VDAC2: variants seen among roughly 807,000 people sequenced by gnomAD.
VDAC2 encodes non-selective voltage-gated ion channel VDAC2.
In VDAC2, 6 loss-of-function variants were observed where a neutral mutation model predicts 36.6. The ratio of observed to expected loss-of-function variants is 0.16; its 90% CI spans 0.09 to 0.32. The LOEUF (loss-of-function observed/expected upper bound fraction) is 0.32. VDAC2 is among the 10% of genes least tolerant of loss of function. The pLI is 1.00. For synonymous variants in VDAC2, 109 were observed against 123.8 expected (o/e 0.88, Z 0.79); for missense variants, 247 against 346.0 (o/e 0.71, Z 2.27).
chr10:75,230,744 C>A (rs1275359007), intron 9 of VDAC2, among the ~76,000 whole-genome samples, 154 bp from the exon 10 acceptor site: 1 of 152,210 alleles, frequency 6.6e-6, no homozygotes, highest in Non-Finnish European at 1.5e-5. Context: ...TCAGATACTT[C>A]CAAGCGCCCT....
intron 8 of VDAC2, chr10:75,229,372 C>CT (rs1393319163): frequency 2.3e-5 from 6 of 260,440 alleles, no homozygotes; most frequent in Non-Finnish European, 4.3e-5. Flanking sequence ...TATGAGAGTG[C>CT]TTAGGCTTTT....
At chr10:75,224,482 G>A (rs1032253939) in intron 8 of VDAC2, among the ~76,000 whole-genome samples, 9 of 152,186 alleles carry the variant, frequency 5.9e-5, no homozygotes, top group African/African-American at 1.9e-4. Context: ...ACTCCTGGGT[G>A]GTCAGATGGT....
intron 8 of VDAC2, among the ~76,000 whole-genome samples, chr10:75,222,671 T>C (rs962518012): frequency 3.9e-5 from 6 of 152,174 alleles, no homozygotes; most frequent in East Asian, 1.9e-4. Context: ...AGTCCAGGTA[T>C]AGCTGGTGTT....
chr10:75,222,440 T>C (rs779251055), intron 8 of VDAC2, 38 bp downstream of exon 8: 13 of 1,611,114 alleles, frequency 8.1e-6, no homozygotes, highest in Non-Finnish European at 9.3e-6. Context: ...GGGTTTTGGT[T>C]GTGGGAATGA....
upstream of VDAC2, chr10:75,210,534 C>T (rs1327790247): frequency 6.6e-6 from 1 of 152,438 alleles, no homozygotes; most frequent in Admixed American, 6.5e-5. Flanking sequence ...GCCCCATCCC[C>T]CTCCCAGGCG....
At chr10:75,230,531 C>G (rs535428367) in intron 9 of VDAC2, among the ~76,000 whole-genome samples, 1 of 152,286 alleles carries the variant, frequency 6.6e-6, no homozygotes, top group Admixed American at 6.5e-5. Flanking sequence ...AATACATATT[C>G]AGATTTACCC....
chr10:75,230,696 T>TGCCTTAGC (rs1203208564), intron 9 of VDAC2, among the ~76,000 whole-genome samples: 1 of 152,212 alleles, frequency 6.6e-6, no homozygotes, highest in East Asian at 1.9e-4. Context: ...TGTGACTTGG[T>TGCCTTAGC]GCCTTAGCTA....
intron 5 of VDAC2, 40 bp downstream of exon 5, chr10:75,219,255 A>G (rs1010881611): frequency 1.3e-6 from 2 of 1,553,690 alleles, no homozygotes; most frequent in Non-Finnish European, 1.7e-6. Context: ...TTATTAATTT[A>G]TTTTTGTATT....
intron 6 of VDAC2, among the ~76,000 whole-genome samples, chr10:75,219,815 G>A (rs1486257249): frequency 5.1e-5 from 7 of 137,678 alleles, no homozygotes; most frequent in Admixed American, 7.7e-5. Flanking sequence ...TTATTTTATT[G>A]TATTTATTTT....
intron 8 of VDAC2, among the ~76,000 whole-genome samples, chr10:75,224,569 A>G (rs980545775): frequency 2.0e-5 from 3 of 152,152 alleles, no homozygotes; most frequent in Admixed American, 6.5e-5. Context: ...GATAGATCCA[A>G]CTCCAAGGGA....
Position 75,222,297 on chromosome 10 carries a change from T to G in VDAC2, c.630T>G (p.Cys210Trp). ...GAGGATCAATTTATCAGAAAGTTTG[T>G]GAAGATCTTGACACTTCAGTAAACC... is the stretch of plus-strand genomic sequence containing the variant. ...EFGGSIYQKVCEDLDTSVNLA... is the reference protein window; with the variant it reads ...EFGGSIYQKVWEDLDTSVNLA... Residue 210 changes from cysteine to tryptophan, a missense_variant, in exon 8 of 10, where the codon TGT becomes TGG. Coordinates refer to ENST00000332211, the MANE Select transcript of VDAC2 (RefSeq NM_001391963.1). 2 of 1,613,958 alleles carry G rather than the reference T, an allele frequency of 1.2e-6. No homozygotes were observed. The highest frequency in any genetic ancestry group is 1.7e-4 in the Middle Eastern group (1 of 6,058).
chr10:75,218,982 T>TTG (rs1469618410), intron 4 of VDAC2, 81 bp from the exon 5 acceptor site: 34 of 1,372,034 alleles, frequency 2.5e-5, no homozygotes, highest in Middle Eastern at 2.6e-4. Context: ...TTCAGGGGGT[T>TTG]TGTGTGTGTG....
intron 4 of VDAC2, among the ~76,000 whole-genome samples, chr10:75,215,101 A>G (rs762211984): frequency 6.7e-6 from 1 of 149,446 alleles, no homozygotes; most frequent in Non-Finnish European, 1.5e-5. Context: ...TTTTCTAGAG[A>G]TGACGTTTTG....
chr10:75,215,060 G>A (rs774175077), intron 4 of VDAC2, among the ~76,000 whole-genome samples: 17 of 151,770 alleles, frequency 1.1e-4, no homozygotes, highest in Admixed American at 2.0e-4. Context: ...AGTACAGGCC[G>A]TATCCATCAT....
chr10:75,218,437 A>G (rs1161052448), intron 4 of VDAC2, among the ~76,000 whole-genome samples: 1 of 152,142 alleles, frequency 6.6e-6, no homozygotes, highest in Admixed American at 6.6e-5. Flanking sequence ...TTGAATCCCA[A>G]ATAAAATCAC....
At chr10:75,215,321 A>G (rs964167365) in intron 4 of VDAC2, among the ~76,000 whole-genome samples, 1 of 151,756 alleles carries the variant, frequency 6.6e-6, no homozygotes, top group Non-Finnish European at 1.5e-5. Context: ...TTATTTTGAT[A>G]TATGTATGTA....
At chr10:75,216,262 G>C (rs1841602139) in intron 4 of VDAC2, among the ~76,000 whole-genome samples, 1 of 152,180 alleles carries the variant, frequency 6.6e-6, no homozygotes, top group South Asian at 2.1e-4. Context: ...TGTTTAAAAA[G>C]CTTACTTTCT....
chr10:75,223,816 G>A (rs561713502), intron 8 of VDAC2, among the ~76,000 whole-genome samples: 2 of 152,186 alleles, frequency 1.3e-5, no homozygotes, highest in African/African-American at 2.4e-5. Context: ...ATGGCTAGTG[G>A]TTTAATCAGT....
intron 4 of VDAC2, among the ~76,000 whole-genome samples, chr10:75,216,481 A>C (rs1467903658): frequency 6.6e-6 from 1 of 152,224 alleles, no homozygotes; most frequent in Non-Finnish European, 1.5e-5. Flanking sequence ...CATGTAACTC[A>C]ACAACCATGG....
Sources: allele counts gnomAD v4.1 joint callset (sites outside exome capture counted in the v4.1 genomes callset), GRCh38; gene constraint gnomAD v4.1.1; transcripts MANE v1.5; gene names NCBI Gene and HGNC (gene_info 2026-07-23, HGNC 2026-07-21).